AGBL1: variants seen among roughly 807,000 people sequenced by gnomAD.
The protein encoded by AGBL1 is AGBL carboxypeptidase 1.
In AGBL1, 130 loss-of-function variants were observed where a neutral mutation model predicts 118.9. The ratio of observed to expected loss-of-function variants is 1.09; its 90% CI spans 0.95 to 1.26. AGBL1 has a LOEUF of 1.26. Ranked by LOEUF, AGBL1 falls within the 50% of genes most tolerant of loss-of-function variation. The probability of loss-of-function intolerance (pLI) is 0.00; values close to 1 mark genes in which losing one functional copy is unlikely to be tolerated. For synonymous variants in AGBL1, 555 were observed against 478.9 expected, an observed-to-expected ratio of 1.16 and a Z score of -2.08; for missense variants, 1,584 against 1,298.1, an observed-to-expected ratio of 1.22 and a Z score of -3.38.
intron 1 of AGBL1, among the ~76,000 whole-genome samples, chr15:86,095,650 T>C (rs1316142300): frequency 1.6e-4 from 1 of 6,242 alleles, no homozygotes; most frequent in African/African-American, 3.6e-4. Flanking sequence ...TGGATACCTT[T>C]TTTTTTTTTT....
rs764470519 is a variant in AGBL1, at chr15:86,279,700, C to G, written c.2137C>G (p.Leu713Val). The G allele has an allele frequency of 6.8e-6, 11 of 1,613,332 alleles. No homozygotes were observed. Among genetic ancestry groups the G allele is most frequent in the Non-Finnish European group, 9.3e-6 (11 of 1,179,468 alleles). ...GGASGKCYYT[L>V]TFAVTFPHSE... is the part of the protein sequence containing the mutation. ...AGCATCTGGGAAGTGCTACTATACCCTCACCTTTGCTGTCACCTTCCCACA... is the reference window on the plus strand; with the variant it reads ...AGCATCTGGGAAGTGCTACTATACCGTCACCTTTGCTGTCACCTTCCCACA... Residue 713 changes from leucine to valine, a missense_variant, in exon 16 of 23, where the codon CTC (leucine) becomes GTC (valine). Physicochemically the swap from Leu to Val is conservative, Grantham distance 32. Coordinates refer to ENST00000614907, the MANE Select transcript of AGBL1 (RefSeq NM_001386094.1).
intron 23 of AGBL1, among the ~76,000 whole-genome samples, chr15:86,921,830 C>T (rs1470788103): frequency 3.9e-5 from 6 of 152,230 alleles, no homozygotes; most frequent in Middle Eastern, 3.4e-3. Flanking sequence ...AAAGAGCACA[C>T]GTTTCCCCAG....
Position 86,729,267 on chromosome 15 carries a change from C to T in AGBL1, c.3158+54831C>T, listed in dbSNP as rs752462003. On this transcript the variant is annotated intron_variant, in intron 22 of 22. Transcript: ENST00000614907. ...ATGATTAACTATTTTCTGAAATCTT[C>T]GCTTTTTCTTTGTTTCTTTGGCTCT... is the stretch of plus-strand genomic sequence containing the variant. Among the ~76,000 whole-genome samples the T allele has an allele frequency of 1.1e-4, 16 of 152,282 alleles. No individual in the cohort carries two copies. In the East Asian group the frequency reaches 1.7e-3, roughly 17 times the overall value.
At chr15:86,172,044 G>A (rs113664337) in intron 5 of AGBL1, among the ~76,000 whole-genome samples, 33 of 152,296 alleles carry the variant, frequency 2.2e-4, no homozygotes, top group African/African-American at 7.7e-4. Flanking sequence ...TTGGGGAAAG[G>A]GTGGGAGGAG....
intron 22 of AGBL1, among the ~76,000 whole-genome samples, chr15:86,824,054 C>T (rs1336584421): frequency 1.3e-5 from 2 of 152,032 alleles, no homozygotes; most frequent in African/African-American, 4.8e-5. Context: ...TACTATTCAA[C>T]ACAAGCCTGG....
At chr15:87,028,021 G>A (rs578059887) in intron 24 of AGBL1, among the ~76,000 whole-genome samples, 71 of 138,854 alleles carry the variant, frequency 5.1e-4, no homozygotes, top group Admixed American at 1.5e-3. Flanking sequence ...CACATCCTGC[G>A]CACATACACT....
intron 7 of AGBL1, among the ~76,000 whole-genome samples, chr15:86,248,272 G>A (rs372874211): frequency 3.9e-5 from 6 of 152,144 alleles, no homozygotes; most frequent in East Asian, 1.9e-4. Context: ...AGCCGAGATC[G>A]CACCACTGAA....
chr15:86,221,188 AACT>A (rs1372062489), intron 5 of AGBL1, among the ~76,000 whole-genome samples: 2 of 151,980 alleles, frequency 1.3e-5, no homozygotes, highest in African/African-American at 4.8e-5. Flanking sequence ...ACAAGTGCAA[AACT>A]CCATCAAAAA....
At chr15:86,825,142 A>G (rs2078989549) in intron 22 of AGBL1, among the ~76,000 whole-genome samples, 1 of 152,056 alleles carries the variant, frequency 6.6e-6, no homozygotes, top group African/African-American at 2.4e-5. Context: ...CAAAAGTTGC[A>G]AAAGCAGTTG....
chr15:86,723,561 C>T lies in AGBL1; in HGVS notation c.3158+49125C>T, dbSNP rs12591547. 2.5e-3 allele frequency among the ~76,000 whole-genome samples: 386 copies of T among 151,858 alleles called. 13 individuals carry two copies. In the East Asian group the frequency reaches 0.063, roughly 25 times the overall value. ...AGGAGATATACCTAATATTAAATGACGAGTTAATGGGTGCAGCACACCAAC... is the reference window on the plus strand; with the variant it reads ...AGGAGATATACCTAATATTAAATGATGAGTTAATGGGTGCAGCACACCAAC... On this transcript the variant is annotated intron_variant, in intron 22 of 22. Coordinates refer to ENST00000614907, the MANE Select transcript of AGBL1 (RefSeq NM_001386094.1).
At chr15:86,846,823 C>T (rs373113757) in intron 22 of AGBL1, among the ~76,000 whole-genome samples, 3 of 152,346 alleles carry the variant, frequency 2.0e-5, no homozygotes, top group African/African-American at 7.2e-5. Flanking sequence ...TGAGCCACCA[C>T]ACCCAGCCAA....
In AGBL1 at chr15:86,276,267, T is replaced by C. The variant is rs576990478; in HGVS notation, c.2076-3372T>C. 1.5e-3 allele frequency among the ~76,000 whole-genome samples: 226 copies of C among 152,338 alleles called. 5 individuals are homozygous for C. In the South Asian group the frequency reaches 0.046, roughly 31 times the overall value. On this transcript the variant is annotated intron_variant, in intron 15 of 22. Transcript: ENST00000614907. ...TTGGGCATAAGACATCTTGTCCTTT[T>C]TAACCCATTCCTAAGAAGCAGATGA...
chr15:86,453,289 T>A (rs1374830651), intron 18 of AGBL1, among the ~76,000 whole-genome samples: 1 of 152,194 alleles, frequency 6.6e-6, no homozygotes, highest in Non-Finnish European at 1.5e-5. Flanking sequence ...AGATAGCTAT[T>A]CCCACCAGCC....
intron 17 of AGBL1, among the ~76,000 whole-genome samples, chr15:86,358,649 G>C (rs539034599): frequency 6.6e-6 from 1 of 152,124 alleles, no homozygotes; most frequent in South Asian, 2.1e-4. Context: ...TCCACTAGCA[G>C]TGTGCAAGGG....
intron 22 of AGBL1, among the ~76,000 whole-genome samples, chr15:86,783,763 G>A (rs148176298): frequency 0.042 from 6,321 of 152,186 alleles, 290 homozygotes; most frequent in East Asian, 0.11. Context: ...CCAAGTATCT[G>A]GGATTACAGG....
chr15:86,993,254 A>T (rs2081350302), intron 24 of AGBL1, among the ~76,000 whole-genome samples: 1 of 152,034 alleles, frequency 6.6e-6, no homozygotes, highest in South Asian at 2.1e-4. Flanking sequence ...TCTCCTTGTA[A>T]CCCCAGTTTA....
At chr15:86,391,109 G>A (rs1205556258) in intron 17 of AGBL1, among the ~76,000 whole-genome samples, 1 of 151,364 alleles carries the variant, frequency 6.6e-6, no homozygotes, top group Non-Finnish European at 1.5e-5. Context: ...GAATATCGGA[G>A]ATGACAATAA....
chr15:86,564,045 C>T (rs1384773799), intron 21 of AGBL1, among the ~76,000 whole-genome samples: 1 of 152,122 alleles, frequency 6.6e-6, no homozygotes, highest in Non-Finnish European at 1.5e-5. Context: ...AGATGGGTCT[C>T]CTGAATACAG....
At chr15:86,937,523 T>C (rs1196545231) in intron 23 of AGBL1, among the ~76,000 whole-genome samples, 1 of 152,206 alleles carries the variant, frequency 6.6e-6, no homozygotes, top group African/African-American at 2.4e-5. Flanking sequence ...TAGAGGCCAT[T>C]ATCCTCAGCA....
Sources: allele counts gnomAD v4.1 joint callset (sites outside exome capture counted in the v4.1 genomes callset), GRCh38; gene constraint gnomAD v4.1.1; transcripts MANE v1.5; gene names NCBI Gene and HGNC (gene_info 2026-07-23, HGNC 2026-07-21).